HNRNPLL: variants seen among roughly 807,000 people sequenced by gnomAD.
HNRNPLL encodes heterogeneous nuclear ribonucleoprotein L-like.
HNRNPLL carries 25 observed loss-of-function variants against 67.1 expected under a neutral mutation model. That is an observed-to-expected ratio of 0.37 (90% CI 0.27 to 0.52). HNRNPLL has a LOEUF of 0.52. Ranked by LOEUF, HNRNPLL falls within the 20% of genes least tolerant of loss-of-function variation. HNRNPLL has a pLI of 0.90. For synonymous variants in HNRNPLL, 267 were observed against 241.7 expected (o/e 1.10, Z -0.97); for missense variants, 542 against 673.9 (o/e 0.80, Z 2.17).
chr2:38,590,030 C>T (rs771307135), intron 2 of HNRNPLL, among the ~76,000 whole-genome samples: 5 of 152,162 alleles, frequency 3.3e-5, no homozygotes, highest in South Asian at 2.1e-4. Context: ...TAACTCTCCA[C>T]GCAGATTTAA....
chr2:38,602,519 G>C lies in HNRNPLL; in HGVS notation c.108C>G (p.Ala36=), dbSNP rs770367963. The change falls in exon 1 of 13, where the codon GCC becomes GCG. Residue 36 remains alanine, a synonymous_variant. Coordinates refer to ENST00000449105, the MANE Select transcript of HNRNPLL (RefSeq NM_138394.4). Reference sequence around the variant, plus strand: ...CTTCCCGGCGGTTCTCGCCTTCCTCGGCCGAGTAGTCGATCTCCCCCTCCT... The same window carrying C: ...CTTCCCGGCGGTTCTCGCCTTCCTCCGCCGAGTAGTCGATCTCCCCCTCCT... The part of the protein sequence containing the change: ...KTEEGEIDYS[A]EEGENRREAT... 3.2e-6 allele frequency: 5 copies of C among 1,552,298 alleles called. No individual in the cohort carries two copies. The highest frequency in any genetic ancestry group is 1.4e-5 in the African/African-American group (1 of 73,298).
At chr2:38,568,035 T>A (rs1036666905) in intron 12 of HNRNPLL, 164 bp downstream of exon 12, 4 of 534,552 alleles carry the variant, frequency 7.5e-6, no homozygotes, top group Admixed American at 7.4e-5. Flanking sequence ...CAATTTGTTA[T>A]ACAGCAATAG....
chr2:38,565,959 T>G (rs878896082), intron 12 of HNRNPLL: 1 of 856,474 alleles, frequency 1.2e-6, no homozygotes, highest in Admixed American at 6.2e-5. Flanking sequence ...CAGCCATAAA[T>G]CATTCATTGT....
chr2:38,572,459 C>T (rs1416494287), intron 8 of HNRNPLL, among the ~76,000 whole-genome samples: 1 of 152,066 alleles, frequency 6.6e-6, no homozygotes, highest in African/African-American at 2.4e-5. Flanking sequence ...TACTACAGTA[C>T]TAAAACTCAA....
chr2:38,568,991 T>TA (rs1336450725), intron 10 of HNRNPLL, 142 bp downstream of exon 10: 1 of 627,454 alleles, frequency 1.6e-6, no homozygotes, highest in African/African-American at 1.8e-5. Flanking sequence ...GGTCAAAGAA[T>TA]AAACTATCCA....
chr2:38,595,537 T>A (rs930308543), intron 1 of HNRNPLL, among the ~76,000 whole-genome samples: 1 of 152,082 alleles, frequency 6.6e-6, no homozygotes, highest in African/African-American at 2.4e-5. Flanking sequence ...GAAACCACAG[T>A]CATCACTTAA....
At chr2:38,582,997 G>A (rs1666593347) in intron 4 of HNRNPLL, among the ~76,000 whole-genome samples, 1 of 152,054 alleles carries the variant, frequency 6.6e-6, no homozygotes, top group Non-Finnish European at 1.5e-5. Flanking sequence ...AATGGAGCAT[G>A]GTCCCATTCC....
rs753597548 is a variant in HNRNPLL at position 38,602,860 on chromosome 2, G to A, written c.-234C>T. Reference sequence around the variant, plus strand: ...AGCGGCCGCTCCTCTCAATTACCGAGCCAACATTCAGCCTCTCCCTCCTCC... The same window carrying A: ...AGCGGCCGCTCCTCTCAATTACCGAACCAACATTCAGCCTCTCCCTCCTCC... On this transcript the variant is annotated 5_prime_UTR_variant, in exon 1 of 13. Coordinates refer to ENST00000449105, the MANE Select transcript of HNRNPLL (RefSeq NM_138394.4). 44 of 1,549,412 alleles carry A rather than the reference G, an allele frequency of 2.8e-5. No homozygotes were observed. The highest frequency in any genetic ancestry group is 3.5e-5 in the Non-Finnish European group (40 of 1,146,406).
rs1191914616 is a variant in HNRNPLL at position 38,602,485 on chromosome 2, G to A, written c.142C>T (p.Arg48Trp). 1.4e-5 allele frequency: 21 copies of A among 1,544,126 alleles called. No homozygotes were observed. The highest frequency in any genetic ancestry group is 2.4e-5 in the East Asian group (1 of 41,152). ...EGENRREATP[R>W]GGGDGGGGGR... ...CCGCCGCCGCCATCGCCCCCGCCCC[G>A]GGGCGTCGCTTCCCGGCGGTTCTCG... The change falls in exon 1 of 13, where the codon CGG (arginine) becomes TGG (tryptophan). Residue 48 changes from arginine (R) to tryptophan (W), a missense_variant. Physicochemically the swap from Arg to Trp is moderately radical, Grantham distance 101. This residue lies in a region of HNRNPLL where 127 missense variants were observed against 98.7 expected (regional missense o/e 1.29). Transcript: ENST00000449105.
Position 38,585,538 on chromosome 2 carries a change from A to G in HNRNPLL, c.546+106T>C, listed in dbSNP as rs113238612. 9.5e-4 allele frequency: 634 copies of G among 665,872 alleles called. 5 individuals carry two copies. The African/African-American group carries it at 0.01, about 11-fold the overall frequency. The allele number at this position is 665,872 out of a possible 1,614,324, so 41.2% of individuals were successfully genotyped here. On this transcript the variant is annotated intron_variant, in intron 3 of 12. Transcript: ENST00000449105. ...AAGATTAATTTTCAAAATTAAAAAAACTATTTTCTAGTATCTAGATGGCAA... is the reference window on the plus strand; with the variant it reads ...AAGATTAATTTTCAAAATTAAAAAAGCTATTTTCTAGTATCTAGATGGCAA...
intron 1 of HNRNPLL, among the ~76,000 whole-genome samples, chr2:38,598,602 T>G (rs961294378): frequency 6.6e-6 from 1 of 152,228 alleles, no homozygotes. Flanking sequence ...TTCACTATTA[T>G]AGCCCCATCA....
chr2:38,592,009 A>G (rs1666978320), intron 1 of HNRNPLL, among the ~76,000 whole-genome samples: 1 of 152,192 alleles, frequency 6.6e-6, no homozygotes, highest in Non-Finnish European at 1.5e-5. Context: ...TCTAAGTTGA[A>G]TTGCATCTTT....
intron 12 of HNRNPLL, among the ~76,000 whole-genome samples, chr2:38,567,642 T>A (rs1021484546): frequency 2.0e-5 from 3 of 152,184 alleles, no homozygotes; most frequent in Non-Finnish European, 4.4e-5. Context: ...CCACCCTGTA[T>A]AGTCCCCTCC....
intron 1 of HNRNPLL, among the ~76,000 whole-genome samples, chr2:38,600,357 G>T (rs1667378054): frequency 6.6e-6 from 1 of 152,132 alleles, no homozygotes; most frequent in Non-Finnish European, 1.5e-5. Context: ...GTTAAAAAAG[G>T]CATGTGTTTC....
chr2:38,592,583 T>C (rs1446110226), intron 1 of HNRNPLL, among the ~76,000 whole-genome samples: 1 of 152,256 alleles, frequency 6.6e-6, no homozygotes, highest in Non-Finnish European at 1.5e-5. Flanking sequence ...GAATATTGTG[T>C]ATCTTCGAGT....
chr2:38,573,593 G>A (rs1666179980), intron 7 of HNRNPLL, among the ~76,000 whole-genome samples, 166 bp from the exon 8 acceptor site: 1 of 151,778 alleles, frequency 6.6e-6, no homozygotes, highest in Non-Finnish European at 1.5e-5. Flanking sequence ...ATAACCTGAG[G>A]AAAATTAATA....
chr2:38,574,316 G>A (rs1246339776), intron 7 of HNRNPLL, among the ~76,000 whole-genome samples: 1 of 151,722 alleles, frequency 6.6e-6, no homozygotes, highest in African/African-American at 2.4e-5. Flanking sequence ...GAAAGGCAGA[G>A]GAACTCAAAA....
intron 1 of HNRNPLL, among the ~76,000 whole-genome samples, chr2:38,596,015 T>C (rs1395784840): frequency 6.6e-6 from 1 of 152,100 alleles, no homozygotes; most frequent in Non-Finnish European, 1.5e-5. Context: ...TTTCTATTTT[T>C]AAATTATGTC....
chr2:38,586,118 T>G (rs1031850397), intron 2 of HNRNPLL, among the ~76,000 whole-genome samples: 4 of 151,696 alleles, frequency 2.6e-5, no homozygotes, highest in East Asian at 3.9e-4. Flanking sequence ...GCCTCCCGGG[T>G]TCACGCCATT....
Sources: gnomAD v4.1 joint callset for allele counts (sites outside exome capture counted in the v4.1 genomes callset) on GRCh38, gnomAD v4.1.1 for gene constraint, gnomAD v4.1.1 regional missense constraint, MANE v1.5 for transcripts, NCBI Gene and HGNC (gene_info 2026-07-23, HGNC 2026-07-21) for gene names.